NHSL1: variants seen among roughly 807,000 people sequenced by gnomAD.
NHSL1 encodes the protein NHS like 1.
A neutral mutation model predicts 95.0 loss-of-function variants in NHSL1; 48 were observed. The observed-to-expected ratio is 0.51, with a 90% CI of 0.40 to 0.64. The LOEUF (loss-of-function observed/expected upper bound fraction) is 0.64. Ranked by LOEUF, NHSL1 falls within the 30% of genes least tolerant of loss-of-function variation. The pLI, the probability that NHSL1 is intolerant of heterozygous loss-of-function variation, is 0.00. For synonymous variants in NHSL1, 783 were observed against 833.9 expected, an observed-to-expected ratio of 0.94 and a Z score of 1.05; for missense variants, 1,971 against 2,077.7, an observed-to-expected ratio of 0.95 and a Z score of 1.00.
At chr6:138,680,443 C>G (rs985349129) in intron 1 of NHSL1, among the ~76,000 whole-genome samples, 1 of 152,208 alleles carries the variant, frequency 6.6e-6, no homozygotes, top group African/African-American at 2.4e-5. Context: ...CAGAGTAAAA[C>G]ATTCCACACT....
chr6:138,661,272 C>T (rs1785223904), intron 1 of NHSL1, among the ~76,000 whole-genome samples: 1 of 152,104 alleles, frequency 6.6e-6, no homozygotes, highest in African/African-American at 2.4e-5. Flanking sequence ...CCAACATCTC[C>T]TATTTCTCCC....
chr6:138,625,438 TAC>T (rs961360711), intron 1 of NHSL1, among the ~76,000 whole-genome samples: 1 of 152,168 alleles, frequency 6.6e-6, no homozygotes, highest in Non-Finnish European at 1.5e-5. Flanking sequence ...GTTTCTTGAT[TAC>T]AGCTGGACAT....
chr6:138,529,750 C>T (rs1782058515), intron 1 of NHSL1, among the ~76,000 whole-genome samples: 1 of 152,238 alleles, frequency 6.6e-6, no homozygotes, highest in South Asian at 2.1e-4. Context: ...TCAACTTCCG[C>T]TCTGCCATCA....
intron 3 of NHSL1, among the ~76,000 whole-genome samples, chr6:138,467,177 C>T (rs188659540): frequency 4.4e-4 from 66 of 151,220 alleles, no homozygotes; most frequent in African/African-American, 1.4e-3. Flanking sequence ...TTTTTTGAGA[C>T]GGAATCTCGC....
At chr6:138,554,460 T>A (rs970923269) in intron 1 of NHSL1, among the ~76,000 whole-genome samples, 1 of 152,204 alleles carries the variant, frequency 6.6e-6, no homozygotes, top group Non-Finnish European at 1.5e-5. Context: ...CATGTACCAA[T>A]CAACCAGGCG....
At chr6:138,623,153 ACAATG>A (rs1201397879) in intron 1 of NHSL1, among the ~76,000 whole-genome samples, 2 of 152,236 alleles carry the variant, frequency 1.3e-5, no homozygotes, top group African/African-American at 2.4e-5. Context: ...GGATCTGAGA[ACAATG>A]CGATGGGAAT....
At chr6:138,660,697 T>C (rs1785215900) in intron 1 of NHSL1, among the ~76,000 whole-genome samples, 1 of 150,512 alleles carries the variant, frequency 6.6e-6, no homozygotes, top group Non-Finnish European at 1.5e-5. Context: ...GGCTCACACC[T>C]ATAATCCCAG....
chr6:138,664,601 G>T (rs1181312043), intron 1 of NHSL1, among the ~76,000 whole-genome samples: 1 of 152,212 alleles, frequency 6.6e-6, no homozygotes, highest in Non-Finnish European at 1.5e-5. Flanking sequence ...CTCTAGCTAT[G>T]TGAAAATCTG....
intron 1 of NHSL1, among the ~76,000 whole-genome samples, chr6:138,542,680 T>C (rs556638530): frequency 2.0e-5 from 3 of 152,248 alleles, no homozygotes; most frequent in Non-Finnish European, 4.4e-5. Context: ...TTAAGAAATC[T>C]ACATTCAGAA....
chr6:138,532,536 G>A (rs951958385), intron 1 of NHSL1, among the ~76,000 whole-genome samples: 3 of 152,094 alleles, frequency 2.0e-5, no homozygotes, highest in East Asian at 1.9e-4. Flanking sequence ...TTGACAAGAA[G>A]TACAAGAGAA....
chr6:138,437,181 G>A (rs1776162048), intron 5 of NHSL1, among the ~76,000 whole-genome samples: 1 of 151,126 alleles, frequency 6.6e-6, no homozygotes, highest in Admixed American at 6.6e-5. Flanking sequence ...GGCTGAGGCA[G>A]GAGAATAGCT....
intron 1 of NHSL1, 71 bp downstream of exon 1, chr6:138,499,162 C>T: frequency 1.0e-6 from 1 of 952,800 alleles, no homozygotes; most frequent in Non-Finnish European, 1.6e-6. Context: ...CACACACAGA[C>T]ACACAGGGAC....
At chr6:138,680,474 G>C (rs1432108350) in intron 1 of NHSL1, among the ~76,000 whole-genome samples, 1 of 152,164 alleles carries the variant, frequency 6.6e-6, no homozygotes, top group African/African-American at 2.4e-5. Context: ...CACAGTTCTA[G>C]ATACAAACAT....
At chr6:138,679,151 T>C in intron 1 of NHSL1, among the ~76,000 whole-genome samples, 1 of 152,218 alleles carries the variant, frequency 6.6e-6, no homozygotes, top group South Asian at 2.1e-4. Flanking sequence ...TTTTAAAATC[T>C]TGTCGAACTA....
intron 1 of NHSL1, among the ~76,000 whole-genome samples, chr6:138,661,882 G>A (rs1438876083): frequency 1.3e-5 from 2 of 152,112 alleles, no homozygotes; most frequent in East Asian, 3.9e-4. Flanking sequence ...ACCAGTCTGG[G>A]TAACAAAATA....
At chr6:138,611,906 T>C (rs573519949) in intron 1 of NHSL1, among the ~76,000 whole-genome samples, 41 of 151,910 alleles carry the variant, frequency 2.7e-4, no homozygotes, top group African/African-American at 9.4e-4. Context: ...GGTCAGGAGT[T>C]TGAGACCAGC....
At chr6:138,581,830 A>G (rs929567945) in intron 1 of NHSL1, among the ~76,000 whole-genome samples, 3 of 149,278 alleles carry the variant, frequency 2.0e-5, no homozygotes, top group African/African-American at 7.4e-5. Context: ...CTTGTAGTCT[A>G]CTCTGTTATA....
intron 1 of NHSL1, among the ~76,000 whole-genome samples, chr6:138,634,421 C>T (rs1422028991): frequency 1.3e-5 from 2 of 152,126 alleles, no homozygotes; most frequent in Non-Finnish European, 2.9e-5. Context: ...ATACTTACAT[C>T]AGACAAAACA....
At chr6:138,528,991 TG>T (rs1782024031) in intron 1 of NHSL1, among the ~76,000 whole-genome samples, 1 of 152,186 alleles carries the variant, frequency 6.6e-6, no homozygotes, top group Non-Finnish European at 1.5e-5. Context: ...ACAAAACACT[TG>T]GAAAAATTGA....
Sources: allele counts gnomAD v4.1 joint callset (sites outside exome capture counted in the v4.1 genomes callset), GRCh38; gene constraint gnomAD v4.1.1; transcripts MANE v1.5; gene names NCBI Gene and HGNC (gene_info 2026-07-23, HGNC 2026-07-21).